Variants in SAMD12 observed in about 807,000 individuals in gnomAD.
SAMD12 encodes sterile alpha motif domain-containing protein 12.
Under a neutral mutation model 15.0 loss-of-function variants are expected in SAMD12, and 9 were observed. The ratio of observed to expected loss-of-function variants is 0.60; its 90% CI spans 0.36 to 1.05. The LOEUF (loss-of-function observed/expected upper bound fraction) is 1.05, where lower values mean the gene tolerates loss of function less well. SAMD12 is among the 50% of genes least tolerant of loss of function. The pLI is 0.01. For missense variants in SAMD12, 230 were observed against 234.2 expected (o/e 0.98, Z 0.12); for synonymous variants, 86 against 90.1 (o/e 0.96, Z 0.25).
At chr8:118,429,627 C>T (rs1432243955) in intron 3 of SAMD12, among the ~76,000 whole-genome samples, 2 of 152,170 alleles carry the variant, frequency 1.3e-5, no homozygotes, top group Non-Finnish European at 2.9e-5. Context: ...GGTGTGGTGG[C>T]TCATGCCTGT....
chr8:118,548,343 T>C (rs1206283564), intron 2 of SAMD12, among the ~76,000 whole-genome samples: 1 of 151,236 alleles, frequency 6.6e-6, no homozygotes, highest in Admixed American at 6.6e-5. Flanking sequence ...TCCTAATAAC[T>C]TACAATGTGT....
chr8:118,448,936 C>T (rs1274240604), intron 2 of SAMD12, among the ~76,000 whole-genome samples: 5 of 152,200 alleles, frequency 3.3e-5, no homozygotes, highest in Admixed American at 3.3e-4. Flanking sequence ...TAAATAGTGC[C>T]TCCCACATAT....
chr8:118,242,540 C>G (rs972575050), intron 4 of SAMD12, among the ~76,000 whole-genome samples: 2 of 151,988 alleles, frequency 1.3e-5, no homozygotes, highest in Admixed American at 1.3e-4. Context: ...TAATCTTTTA[C>G]TATGCTAAAC....
At chr8:118,458,976 GT>G (rs1823337417) in intron 2 of SAMD12, among the ~76,000 whole-genome samples, 1 of 148,980 alleles carries the variant, frequency 6.7e-6, no homozygotes, top group African/African-American at 2.6e-5. Flanking sequence ...GTGTGTGTGT[GT>G]GTGTGTGTTT....
intron 4 of SAMD12, among the ~76,000 whole-genome samples, chr8:118,321,284 GTT>G (rs1159280462): frequency 0.11 from 13,471 of 121,874 alleles, 989 homozygotes; most frequent in Non-Finnish European, 0.14. Flanking sequence ...GAAAAGAGGT[GTT>G]TTTTTTTTGT....
chr8:118,608,593 T>A (rs1254014184), intron 1 of SAMD12, among the ~76,000 whole-genome samples: 1 of 152,052 alleles, frequency 6.6e-6, no homozygotes, highest in Non-Finnish European at 1.5e-5. Flanking sequence ...AACCTCCACC[T>A]CTCTGGTTCA....
intron 2 of SAMD12, among the ~76,000 whole-genome samples, chr8:118,488,805 G>T (rs1014141161): frequency 6.6e-6 from 1 of 152,202 alleles, no homozygotes; most frequent in African/African-American, 2.4e-5. Flanking sequence ...TTTGAGTAAA[G>T]CTGCTGTGAC....
chr8:118,441,532 C>T (rs900730605), intron 2 of SAMD12, among the ~76,000 whole-genome samples: 2 of 151,842 alleles, frequency 1.3e-5, no homozygotes, highest in Middle Eastern at 3.2e-3. Flanking sequence ...ATGCTGATCA[C>T]TTTTTATTTT....
At chr8:118,358,827 A>G (rs1343435352) in intron 4 of SAMD12, among the ~76,000 whole-genome samples, 2 of 152,184 alleles carry the variant, frequency 1.3e-5, no homozygotes, top group Non-Finnish European at 2.9e-5. Context: ...GTATATGGAT[A>G]CTCCAGGGAT....
At chr8:118,564,499 T>G (rs1000292491) in intron 2 of SAMD12, among the ~76,000 whole-genome samples, 7 of 152,216 alleles carry the variant, frequency 4.6e-5, no homozygotes, top group Non-Finnish European at 7.3e-5. Context: ...AATGGCAATT[T>G]AATTTTAGTT....
chr8:118,568,698 C>G (rs913686872), intron 2 of SAMD12, among the ~76,000 whole-genome samples: 1 of 152,142 alleles, frequency 6.6e-6, no homozygotes, highest in African/African-American at 2.4e-5. Context: ...AGCAAGATGG[C>G]AAGTCCAGGA....
At chr8:118,618,478 G>C (rs1369177704) in intron 1 of SAMD12, among the ~76,000 whole-genome samples, 5 of 152,170 alleles carry the variant, frequency 3.3e-5, no homozygotes, top group Admixed American at 6.5e-5. Context: ...GAAGGGATGA[G>C]AGTACAAGTG....
At chr8:118,496,601 C>G (rs1337021015) in intron 2 of SAMD12, among the ~76,000 whole-genome samples, 2 of 151,962 alleles carry the variant, frequency 1.3e-5, no homozygotes, top group Non-Finnish European at 2.9e-5. Context: ...AATATAAAAC[C>G]TCAAACTATA....
intron 3 of SAMD12, among the ~76,000 whole-genome samples, chr8:118,436,684 C>T (rs996124708): frequency 6.6e-6 from 1 of 152,164 alleles, no homozygotes; most frequent in Non-Finnish European, 1.5e-5. Context: ...AAGATTAGCA[C>T]AGGATATTTA....
intron 3 of SAMD12, among the ~76,000 whole-genome samples, chr8:118,385,850 T>C (rs1819926164): frequency 3.9e-5 from 6 of 152,174 alleles, no homozygotes; most frequent in Admixed American, 3.3e-4. Context: ...AAAGACTTGA[T>C]TGGAAGCTGT....
intron 2 of SAMD12, among the ~76,000 whole-genome samples, chr8:118,531,043 AG>A (rs1825670752): frequency 6.6e-6 from 1 of 152,204 alleles, no homozygotes; most frequent in South Asian, 2.1e-4. Flanking sequence ...GTTTTCTTCT[AG>A]GGTTTTTATG....
chr8:118,407,979 C>T (rs950286590), intron 3 of SAMD12, among the ~76,000 whole-genome samples: 6 of 152,146 alleles, frequency 3.9e-5, no homozygotes, highest in East Asian at 1.9e-4. Context: ...GTGAATGATT[C>T]GAGCTCTTAA....
At chr8:118,533,933 C>T (rs1041887784) in intron 2 of SAMD12, among the ~76,000 whole-genome samples, 21 of 152,250 alleles carry the variant, frequency 1.4e-4, no homozygotes, top group African/African-American at 4.6e-4. Context: ...GAGCATTTAG[C>T]CCATTTACAT....
intron 4 of SAMD12, among the ~76,000 whole-genome samples, chr8:118,355,164 T>A (rs1818169884): frequency 6.6e-6 from 1 of 152,140 alleles, no homozygotes; most frequent in African/African-American, 2.4e-5. Context: ...AACAAGGGGA[T>A]AAAGAAACTG....
Sources: allele counts gnomAD v4.1 joint callset (sites outside exome capture counted in the v4.1 genomes callset), GRCh38; gene constraint gnomAD v4.1.1; transcripts MANE v1.5; gene names NCBI Gene and HGNC (gene_info 2026-07-23, HGNC 2026-07-21).